JAK1: variants seen among roughly 807,000 people sequenced by gnomAD.
The protein encoded by JAK1 is Janus kinase 1.
In JAK1, 16 loss-of-function variants were observed where a neutral mutation model predicts 136.6. The ratio of observed to expected loss-of-function variants is 0.12; its 90% CI spans 0.08 to 0.18. JAK1 has a LOEUF of 0.18. JAK1 is among the 10% of genes least tolerant of loss of function. The pLI is 1.00. For missense variants in JAK1, 859 were observed against 1,450.1 expected (o/e 0.59, Z 6.62); for synonymous variants, 492 against 519.5 (o/e 0.95, Z 0.72).
chr1:65,005,577 A>G (rs1461284522), intron 2 of JAK1, among the ~76,000 whole-genome samples: 1 of 152,220 alleles, frequency 6.6e-6, no homozygotes, highest in Non-Finnish European at 1.5e-5. Flanking sequence ...TAAATGATAT[A>G]CTTTCAAGGT....
chr1:64,975,596 T>C (rs768560954), intron 2 of JAK1, among the ~76,000 whole-genome samples: 2 of 152,216 alleles, frequency 1.3e-5, no homozygotes, highest in Non-Finnish European at 2.9e-5. Context: ...CCCTTTTGCA[T>C]GGCCCATTTC....
intron 1 of JAK1, among the ~76,000 whole-genome samples, chr1:65,053,014 A>G (rs1647354362): frequency 1.4e-5 from 2 of 140,926 alleles, no homozygotes; most frequent in Admixed American, 7.2e-5. Flanking sequence ...CTGGTGACAG[A>G]GCAAGACTCT....
intron 1 of JAK1, among the ~76,000 whole-genome samples, chr1:65,054,483 A>C (rs965374309): frequency 2.0e-5 from 3 of 151,998 alleles, no homozygotes; most frequent in African/African-American, 7.2e-5. Context: ...TGAAACACTA[A>C]ACATTAGGAG....
At chr1:64,928,566 G>C (rs577200331) in intron 1 of JAK1, among the ~76,000 whole-genome samples, 3 of 152,016 alleles carry the variant, frequency 2.0e-5, no homozygotes, top group Non-Finnish European at 4.4e-5. Context: ...CTGCTCAGCA[G>C]AGAAAAATAG....
intron 2 of JAK1, chr1:64,985,654 T>C (rs1012661840): frequency 6.8e-6 from 5 of 736,806 alleles, no homozygotes; most frequent in Admixed American, 6.4e-5. Flanking sequence ...TGCAGGCCAA[T>C]AGGTGAGATG....
intron 1 of JAK1, among the ~76,000 whole-genome samples, chr1:64,931,112 C>G (rs964938883): frequency 3.3e-5 from 5 of 152,024 alleles, no homozygotes; most frequent in African/African-American, 1.2e-4. Flanking sequence ...CAAACCTGCA[C>G]GTTCTGCACA....
intron 19 of JAK1, among the ~76,000 whole-genome samples, chr1:64,840,229 A>AGTG (rs1654803927): frequency 6.6e-6 from 1 of 152,172 alleles, no homozygotes; most frequent in African/African-American, 2.4e-5. Flanking sequence ...TGACAGCGAC[A>AGTG]GTGGTGGCCA....
intron 1 of JAK1, among the ~76,000 whole-genome samples, chr1:64,957,146 G>A (rs970350839): frequency 1.3e-5 from 2 of 152,182 alleles, no homozygotes; most frequent in African/African-American, 4.8e-5. Context: ...GTGGGAGGAA[G>A]TGAAGGTTTT....
chr1:65,045,242 G>A (rs1296332926), intron 1 of JAK1, among the ~76,000 whole-genome samples: 2 of 152,204 alleles, frequency 1.3e-5, no homozygotes, highest in Admixed American at 1.3e-4. Flanking sequence ...TTGCTCCCAT[G>A]GCTGATCTCT....
chr1:64,897,886 T>C (rs908767879), intron 1 of JAK1, among the ~76,000 whole-genome samples: 7 of 152,086 alleles, frequency 4.6e-5, no homozygotes, highest in African/African-American at 7.2e-5. Context: ...GTAAAAATAA[T>C]GTCCTTCTTT....
At chr1:64,967,790 A>G (rs548172698), upstream of JAK1, among the ~76,000 whole-genome samples, 1 of 152,320 alleles carries the variant, frequency 6.6e-6, no homozygotes, top group South Asian at 2.1e-4. Flanking sequence ...AGGATCTCCA[A>G]AGTGCCTTCC....
rs1655100896 is a variant in JAK1 at position 64,844,504 on chromosome 1, T to G, written c.2251+250A>C. Reference sequence around the variant, plus strand: ...AAGCCAGGCTTCTGAAGCCCTGGCCTTAGGATCAGCAAAACATCCCAGGGT... The same window carrying G: ...AAGCCAGGCTTCTGAAGCCCTGGCCGTAGGATCAGCAAAACATCCCAGGGT... On this transcript the variant is annotated intron_variant, in intron 16 of 24. Coordinates refer to ENST00000342505, the MANE Select transcript of JAK1 (RefSeq NM_002227.4). The surrounding 1 kb of genome is among the most constrained non-coding windows in gnomAD (Gnocchi z 5.7). Among the ~76,000 whole-genome samples, 1 of 152,064 alleles carries G rather than the reference T, an allele frequency of 6.6e-6. No homozygotes were observed. The highest frequency in any genetic ancestry group is 1.5e-5 in the Non-Finnish European group (1 of 67,988).
At chr1:65,033,901 T>G (rs1284854416) in intron 2 of JAK1, among the ~76,000 whole-genome samples, 1 of 152,234 alleles carries the variant, frequency 6.6e-6, no homozygotes, top group African/African-American at 2.4e-5. Flanking sequence ...TCTGTTTCCC[T>G]TTTCATGAAA....
chr1:64,990,172 G>C (rs1381510417), intron 2 of JAK1: 1 of 150,236 alleles, frequency 6.7e-6, no homozygotes, highest in Non-Finnish European at 1.5e-5. Context: ...GCTGGGTGTG[G>C]TGGCATGTGC....
Position 64,984,730 on chromosome 1 carries a change from T to C in JAK1, c.-78+59750A>G. ...GCCTATGTGATATCCTTGAAAGTCC[T>C]GTAACACATCTCAGGGACTTTGAAG... On this transcript the variant is annotated intron_variant, in intron 2 of 25. Coordinates refer to the JAK1 transcript ENST00000671954. The surrounding 1 kb of genome is among the most constrained non-coding windows in gnomAD (Gnocchi z 4.1). 3.6e-6 allele frequency: 3 copies of C among 836,798 alleles called. No individual in the cohort carries two copies. The South Asian group carries it at 4.6e-5, about 13-fold the overall frequency. The allele number at this position is 836,798 out of a possible 1,614,324, so 51.8% of individuals were successfully genotyped here.
chr1:64,860,800 C>T (rs886989414), intron 8 of JAK1, among the ~76,000 whole-genome samples: 4 of 150,992 alleles, frequency 2.6e-5, no homozygotes, highest in African/African-American at 9.8e-5. Flanking sequence ...ATTTTCCCAT[C>T]TATTATCTCA....
chr1:65,007,537 C>T (rs979697734), intron 2 of JAK1, among the ~76,000 whole-genome samples: 21 of 152,052 alleles, frequency 1.4e-4, no homozygotes, highest in African/African-American at 2.4e-4. Context: ...CTCAGCTCAC[C>T]GCAACCTCCA....
At position 64,851,315 on chromosome 1, in the gene JAK1, G is replaced by A. The variant is rs562117326; in HGVS notation, c.1649-405C>T. Among the ~76,000 whole-genome samples the A allele has an allele frequency of 2.2e-4, 33 of 152,270 alleles. 1 individual carries two copies. In the South Asian group the frequency reaches 5.8e-3, roughly 27 times the overall value. ...ATTTTCTTCTCCACCTCCACAGCCC[G>A]GTACATAGTAGGCACTCAATTATTA... On this transcript the variant is annotated intron_variant, in intron 11 of 24. Transcript: ENST00000342505.
At chr1:64,872,019 G>A (rs2027053) in intron 5 of JAK1, among the ~76,000 whole-genome samples, 8,023 of 152,232 alleles carry the variant, frequency 0.053, 336 homozygotes, top group Admixed American at 0.14. Flanking sequence ...CTCCAGCCTC[G>A]TTCCCCATCA....
Sources: allele counts gnomAD v4.1 joint callset (sites outside exome capture counted in the v4.1 genomes callset), GRCh38; gene constraint gnomAD v4.1.1; non-coding constraint Gnocchi (gnomAD v3.1); transcripts MANE v1.5; gene names NCBI Gene and HGNC (gene_info 2026-07-23, HGNC 2026-07-21).